SNTG1: variants seen among roughly 807,000 people sequenced by gnomAD.
SNTG1 encodes the protein gamma-1-syntrophin.
SNTG1 carries 39 observed loss-of-function variants against 74.7 expected under a neutral mutation model. The ratio of observed to expected loss-of-function variants is 0.52; its 90% CI spans 0.40 to 0.68. The LOEUF is 0.68. Among genes scored for constraint, SNTG1 ranks in the 30% least tolerant of loss-of-function variants. SNTG1 has a pLI of 0.00. For synonymous variants in SNTG1, 254 were observed against 217.1 expected, an observed-to-expected ratio of 1.17 and a Z score of -1.49; for missense variants, 685 against 609.5, an observed-to-expected ratio of 1.12 and a Z score of -1.30.
At chr8:49,912,986 A>T (rs1028049474) in intron 1 of SNTG1, among the ~76,000 whole-genome samples, 2 of 152,172 alleles carry the variant, frequency 1.3e-5, no homozygotes, top group Admixed American at 1.3e-4. Flanking sequence ...AAAACCATAA[A>T]CTTTAAAATG....
intron 1 of SNTG1, among the ~76,000 whole-genome samples, chr8:50,039,921 T>C (rs1413501972): frequency 6.6e-6 from 1 of 152,156 alleles, no homozygotes; most frequent in Non-Finnish European, 1.5e-5. Flanking sequence ...CTACGGAAGC[T>C]GCACGGACCA....
chr8:50,579,473 T>A (rs2094596233), intron 12 of SNTG1, among the ~76,000 whole-genome samples: 1 of 151,938 alleles, frequency 6.6e-6, no homozygotes, highest in African/African-American at 2.4e-5. Context: ...ATGGGGAAAA[T>A]GTCTTCAGGG....
chr8:50,080,787 A>G (rs1822332228), intron 1 of SNTG1, among the ~76,000 whole-genome samples: 1 of 152,144 alleles, frequency 6.6e-6, no homozygotes, highest in South Asian at 2.1e-4. Flanking sequence ...CTGTTTTTCA[A>G]TAAAAATGTA....
intron 8 of SNTG1, among the ~76,000 whole-genome samples, chr8:50,498,465 G>T (rs895545274): frequency 6.6e-6 from 1 of 151,674 alleles, no homozygotes. Flanking sequence ...TATTATTATT[G>T]AGTTTTGAGT....
chr8:50,615,019 T>C (rs1463992579), intron 13 of SNTG1, among the ~76,000 whole-genome samples: 3 of 150,220 alleles, frequency 2.0e-5, no homozygotes, highest in African/African-American at 7.3e-5. Context: ...CTCGGCTCAC[T>C]CCAAGCTCTG....
intron 4 of SNTG1, among the ~76,000 whole-genome samples, chr8:50,433,479 G>T (rs377765591): frequency 6.3e-5 from 9 of 141,938 alleles, no homozygotes; most frequent in South Asian, 2.2e-4. Context: ...TGAGTTTTCT[G>T]TTTTTTTTTT....
chr8:50,116,212 C>T (rs1382483203), intron 1 of SNTG1, among the ~76,000 whole-genome samples: 1 of 152,114 alleles, frequency 6.6e-6, no homozygotes, highest in African/African-American at 2.4e-5. Flanking sequence ...TTTAGGGTGT[C>T]GGATTCCAGA....
chr8:50,584,403 G>T (rs2094633416), intron 12 of SNTG1, among the ~76,000 whole-genome samples: 1 of 151,832 alleles, frequency 6.6e-6, no homozygotes, highest in Non-Finnish European at 1.5e-5. Flanking sequence ...GTGTTCCTAT[G>T]TCTCCACATC....
At chr8:50,201,595 A>T (rs2083989132) in intron 2 of SNTG1, among the ~76,000 whole-genome samples, 3 of 152,018 alleles carry the variant, frequency 2.0e-5, no homozygotes, top group Admixed American at 2.0e-4. Context: ...TGAGTTCTAG[A>T]ATTAGCCATT....
At chr8:50,199,304 G>A (rs529704207) in intron 2 of SNTG1, among the ~76,000 whole-genome samples, 34 of 147,714 alleles carry the variant, frequency 2.3e-4, no homozygotes, top group Admixed American at 1.2e-3. Flanking sequence ...TGCAACCTCT[G>A]TCTCCCCAGT....
At chr8:50,430,041 T>A (rs2093214861) in intron 4 of SNTG1, among the ~76,000 whole-genome samples, 1 of 152,118 alleles carries the variant, frequency 6.6e-6, no homozygotes, top group Admixed American at 6.6e-5. Context: ...TGAAAAACAG[T>A]CTGACAATTC....
intron 2 of SNTG1, among the ~76,000 whole-genome samples, chr8:50,315,246 A>G (rs1194175820): frequency 6.7e-6 from 1 of 149,648 alleles, no homozygotes; most frequent in Non-Finnish European, 1.5e-5. Flanking sequence ...AATGCAATTC[A>G]ATTTTATTTC....
intron 1 of SNTG1, among the ~76,000 whole-genome samples, chr8:50,154,280 A>T (rs913369089): frequency 1.3e-5 from 2 of 152,122 alleles, no homozygotes. Flanking sequence ...CCCTTGGAAA[A>T]GTGCAGTATT....
chr8:50,751,762 T>G lies in SNTG1; in HGVS notation c.1285-239T>G, dbSNP rs572178969. Among the ~76,000 whole-genome samples, 8 of 152,148 alleles carry G rather than the reference T, an allele frequency of 5.3e-5. No homozygotes were observed. The East Asian group carries it at 1.6e-3, about 30-fold the overall frequency. On this transcript the variant is annotated intron_variant, in intron 17 of 18. Coordinates refer to ENST00000642720, the MANE Select transcript of SNTG1 (RefSeq NM_018967.5). ...CATAAGACAAGATACTAAGAGCAAT[T>G]TATTTTTATGCATTTTTGCAATAAT...
At chr8:50,544,401 AT>A (rs1319953443) in intron 11 of SNTG1, among the ~76,000 whole-genome samples, 1 of 152,044 alleles carries the variant, frequency 6.6e-6, no homozygotes, top group Non-Finnish European at 1.5e-5. Flanking sequence ...AACATATTCT[AT>A]TTTTAATCTT....
intron 2 of SNTG1, among the ~76,000 whole-genome samples, chr8:50,270,645 T>G (rs1269073169): frequency 6.6e-6 from 1 of 152,212 alleles, no homozygotes; most frequent in Non-Finnish European, 1.5e-5. Flanking sequence ...AACTCACTCC[T>G]ATTCAGGTCT....
intron 17 of SNTG1, among the ~76,000 whole-genome samples, chr8:50,718,297 A>C (rs1484672667): frequency 6.6e-6 from 1 of 152,188 alleles, no homozygotes; most frequent in Non-Finnish European, 1.5e-5. Flanking sequence ...GGGCACACAA[A>C]AGTAAAATAG....
intron 1 of SNTG1, among the ~76,000 whole-genome samples, chr8:50,097,530 T>C (rs896455115): frequency 3.9e-5 from 6 of 152,016 alleles, no homozygotes; most frequent in Non-Finnish European, 7.4e-5. Context: ...CGGGCGCCTG[T>C]AGTCCCAGCT....
intron 1 of SNTG1, among the ~76,000 whole-genome samples, chr8:49,968,581 A>G (rs1248763514): frequency 6.6e-6 from 1 of 152,218 alleles, no homozygotes. Flanking sequence ...AGGTTTCTAC[A>G]TGCAAAAGAC....
Sources: gnomAD v4.1 joint callset for allele counts (sites outside exome capture counted in the v4.1 genomes callset) on GRCh38, gnomAD v4.1.1 for gene constraint, MANE v1.5 for transcripts, NCBI Gene and HGNC (gene_info 2026-07-23, HGNC 2026-07-21) for gene names.